The following ARHGAP26 variants were observed in gnomAD, a reference collection of about 807,000 sequenced individuals.
ARHGAP26 encodes the protein rho GTPase-activating protein 26.
ARHGAP26 carries 38 observed loss-of-function variants against 104.8 expected under a neutral mutation model. The observed-to-expected ratio is 0.36, with a 90% CI of 0.28 to 0.48. ARHGAP26 has a LOEUF of 0.48. ARHGAP26 is among the 20% of genes least tolerant of loss of function. ARHGAP26 has a pLI of 0.99. For missense variants in ARHGAP26, 704 were observed against 947.9 expected (o/e 0.74, Z 3.38); for synonymous variants, 341 against 340.0 (o/e 1.00, Z -0.03).
At chr5:143,126,330 A>G (rs1401780446) in intron 18 of ARHGAP26, among the ~76,000 whole-genome samples, 1 of 152,204 alleles carries the variant, frequency 6.6e-6, no homozygotes, top group African/African-American at 2.4e-5. Context: ...TGATGATGCC[A>G]GAGAGTTGGA....
intron 12 of ARHGAP26, among the ~76,000 whole-genome samples, chr5:143,016,702 CAAAAA>C (rs5871833): frequency 7.9e-6 from 1 of 126,380 alleles, no homozygotes; most frequent in Admixed American, 8.1e-5. Flanking sequence ...GACTCTGTCT[CAAAAA>C]AAAAAAAAAA....
At chr5:143,148,093 C>A (rs77104676) in intron 20 of ARHGAP26, among the ~76,000 whole-genome samples, 3 of 152,126 alleles carry the variant, frequency 2.0e-5, no homozygotes, top group Non-Finnish European at 4.4e-5. Flanking sequence ...TGTCAACTAG[C>A]GCCTTTGCAG....
chr5:142,829,196 T>C (rs1339035452), intron 1 of ARHGAP26, among the ~76,000 whole-genome samples: 1 of 152,220 alleles, frequency 6.6e-6, no homozygotes, highest in Non-Finnish European at 1.5e-5. Context: ...GGAGAGAGAA[T>C]GCTGTATACC....
At chr5:143,178,922 T>C (rs1803898067) in intron 20 of ARHGAP26, among the ~76,000 whole-genome samples, 1 of 151,492 alleles carries the variant, frequency 6.6e-6, no homozygotes, top group African/African-American at 2.4e-5. Context: ...CAGGGTGGAG[T>C]GCAGTGATGC....
intron 19 of ARHGAP26, among the ~76,000 whole-genome samples, chr5:143,142,134 C>CTTTTTTTTTTTTTTTTTTTTTTTTTT (rs762332039): frequency 9.5e-6 from 1 of 105,348 alleles, no homozygotes; most frequent in Admixed American, 1.1e-4. Flanking sequence ...CTACTTTTCA[C>CTTTTTTTTTTTTTTTTTTTTTTTTTT]TTTTTTTTTT....
chr5:143,123,291 A>G (rs1278219839), intron 18 of ARHGAP26, among the ~76,000 whole-genome samples: 1 of 152,226 alleles, frequency 6.6e-6, no homozygotes, highest in Non-Finnish European at 1.5e-5. Flanking sequence ...TGTGAGAGCA[A>G]TTGGAATAAG....
intron 10 of ARHGAP26, 68 bp downstream of exon 10, chr5:142,913,361 C>A: frequency 6.9e-7 from 1 of 1,441,354 alleles, no homozygotes; most frequent in Admixed American, 1.7e-5. Context: ...TTTTTCTTTC[C>A]AGTCAAACCT....
intron 20 of ARHGAP26, among the ~76,000 whole-genome samples, chr5:143,148,970 C>T (rs1335949776): frequency 1.3e-5 from 2 of 152,074 alleles, no homozygotes; most frequent in African/African-American, 2.4e-5. Flanking sequence ...ACTGTGGGCC[C>T]CTGAGTCACT....
At chr5:143,066,582 A>T (rs1457876082) in intron 17 of ARHGAP26, among the ~76,000 whole-genome samples, 2 of 152,176 alleles carry the variant, frequency 1.3e-5, no homozygotes, top group Non-Finnish European at 2.9e-5. Flanking sequence ...GTTTTAGGGT[A>T]TGGGAAATTG....
In ARHGAP26 at chr5:143,136,809, C is replaced by A. The variant is rs3776286; in HGVS notation, c.1837+2704C>A. On this transcript the variant is annotated intron_variant, in intron 19 of 22. Transcript: ENST00000645722. ...CTGGTCTATGGACAAAGACAGAAAA[C>A]TTTATCCTAGCACTTTGCTGAATTT... Among the ~76,000 whole-genome samples, 571 of 152,298 alleles carry A rather than the reference C, an allele frequency of 3.7e-3. 23 individuals carry two copies. The East Asian group carries it at 0.082, about 22-fold the overall frequency.
At chr5:142,860,852 A>C (rs116783653) in intron 1 of ARHGAP26, among the ~76,000 whole-genome samples, 3,937 of 152,214 alleles carry the variant, frequency 0.026, 81 homozygotes, top group Middle Eastern at 0.071. Flanking sequence ...GGTACTTAGT[A>C]TTAGATGTTC....
intron 14 of ARHGAP26, among the ~76,000 whole-genome samples, chr5:143,045,279 A>T (rs1188535841): frequency 6.6e-6 from 1 of 152,254 alleles, no homozygotes; most frequent in Non-Finnish European, 1.5e-5. Context: ...GACATTACAG[A>T]CAGACTGGAA....
chr5:143,049,259 T>G (rs1343782987), intron 14 of ARHGAP26, among the ~76,000 whole-genome samples: 1 of 152,230 alleles, frequency 6.6e-6, no homozygotes, highest in Non-Finnish European at 1.5e-5. Context: ...ATTCTTTATA[T>G]TCTAGCAAAA....
At chr5:143,119,712 A>G (rs527853811) in intron 17 of ARHGAP26, among the ~76,000 whole-genome samples, 49 of 152,314 alleles carry the variant, frequency 3.2e-4, no homozygotes, top group Non-Finnish European at 6.3e-4. Context: ...GGGCTGTGCC[A>G]CAGTTAAAGT....
chr5:143,061,959 A>G (rs148110734), intron 17 of ARHGAP26, among the ~76,000 whole-genome samples: 52 of 152,314 alleles, frequency 3.4e-4, no homozygotes, highest in Admixed American at 2.9e-3. Flanking sequence ...CAGAGCAGTC[A>G]TTGAGGACCA....
At chr5:142,834,858 T>C (rs2152131564) in intron 1 of ARHGAP26, among the ~76,000 whole-genome samples, 1 of 152,320 alleles carries the variant, frequency 6.6e-6, no homozygotes, top group Non-Finnish European at 1.5e-5. Flanking sequence ...CAAAGTCACG[T>C]TGCAAAGGAA....
At chr5:143,032,827 G>T (rs1598727729) in intron 12 of ARHGAP26, among the ~76,000 whole-genome samples, 2 of 152,190 alleles carry the variant, frequency 1.3e-5, no homozygotes, top group African/African-American at 4.8e-5. Flanking sequence ...AGCTCTTTGT[G>T]TGTGTGCATG....
chr5:143,222,272 CACACACACACA>C (rs769286465), intron 22 of ARHGAP26, 75 bp from the exon 23 acceptor site: 117 of 770,126 alleles, frequency 1.5e-4, no homozygotes, highest in East Asian at 1.3e-3. Context: ...CACACACACA[CACACACACACA>C]CCCCACACAC....
intron 14 of ARHGAP26, among the ~76,000 whole-genome samples, chr5:143,045,062 T>C (rs943512798): frequency 5.3e-5 from 8 of 152,246 alleles, no homozygotes; most frequent in Admixed American, 1.3e-4. Flanking sequence ...AGAAGCACTT[T>C]AGCTCAGTTG....
Sources: allele counts gnomAD v4.1 joint callset (sites outside exome capture counted in the v4.1 genomes callset), GRCh38; gene constraint gnomAD v4.1.1; transcripts MANE v1.5; gene names NCBI Gene and HGNC (gene_info 2026-07-23, HGNC 2026-07-21).